The following LRRTM4 variants were observed in gnomAD, a reference collection of about 807,000 sequenced individuals.
LRRTM4 encodes leucine-rich repeat transmembrane neuronal protein 4.
LRRTM4 carries 25 observed loss-of-function variants against 47.6 expected under a neutral mutation model. The observed-to-expected ratio is 0.53, with a 90% CI of 0.38 to 0.73. The LOEUF is 0.73. LRRTM4 is among the 30% of genes least tolerant of loss of function. LRRTM4 has a pLI of 0.00. For synonymous variants in LRRTM4, 311 were observed against 269.5 expected (o/e 1.15, Z -1.51); for missense variants, 638 against 713.4 (o/e 0.89, Z 1.20).
chr2:77,069,592 A>G (rs1175506576), intron 3 of LRRTM4, among the ~76,000 whole-genome samples: 1 of 152,154 alleles, frequency 6.6e-6, no homozygotes, highest in Admixed American at 6.6e-5. Flanking sequence ...CTGGTGTCCT[A>G]TTACTTCGTG....
At chr2:77,453,819 T>C (rs1676360165) in intron 3 of LRRTM4, among the ~76,000 whole-genome samples, 2 of 152,348 alleles carry the variant, frequency 1.3e-5, no homozygotes, top group Middle Eastern at 3.4e-3. Flanking sequence ...TTTGATAGCC[T>C]TTAATTTATA....
At chr2:77,029,171 T>C (rs1451665448) in intron 3 of LRRTM4, among the ~76,000 whole-genome samples, 1 of 151,390 alleles carries the variant, frequency 6.6e-6, no homozygotes, top group Non-Finnish European at 1.5e-5. Context: ...AACGTTAGTA[T>C]TTAGAGGTTG....
chr2:77,311,948 T>C (rs1424994593), intron 3 of LRRTM4, among the ~76,000 whole-genome samples: 1 of 152,150 alleles, frequency 6.6e-6, no homozygotes, highest in Non-Finnish European at 1.5e-5. Context: ...TGGACGCTGG[T>C]TTTGTTTCCT....
At chr2:77,038,017 T>A (rs1302339438) in intron 3 of LRRTM4, among the ~76,000 whole-genome samples, 1 of 151,658 alleles carries the variant, frequency 6.6e-6, no homozygotes, top group Non-Finnish European at 1.5e-5. Context: ...GTTCCTTGAA[T>A]AACCTATATA....
At chr2:77,103,447 G>C (rs1377410005) in intron 3 of LRRTM4, among the ~76,000 whole-genome samples, 1 of 151,904 alleles carries the variant, frequency 6.6e-6, no homozygotes, top group Non-Finnish European at 1.5e-5. Context: ...GTGAAAAACA[G>C]CCATCCATCT....
intron 3 of LRRTM4, among the ~76,000 whole-genome samples, chr2:77,062,594 T>C (rs537523335): frequency 6.6e-6 from 1 of 152,336 alleles, no homozygotes; most frequent in South Asian, 2.1e-4. Flanking sequence ...GCATAGTGAT[T>C]ATACTGATAC....
intron 3 of LRRTM4, among the ~76,000 whole-genome samples, chr2:77,441,769 T>C (rs1675851673): frequency 6.6e-6 from 1 of 152,316 alleles, no homozygotes; most frequent in African/African-American, 2.4e-5. Context: ...TAAGACATAG[T>C]TTTCCTTGCT....
chr2:77,501,805 G>C (rs1678579123), intron 3 of LRRTM4, among the ~76,000 whole-genome samples: 1 of 151,068 alleles, frequency 6.6e-6, no homozygotes, highest in African/African-American at 2.4e-5. Context: ...CAAAGAAAAT[G>C]AACATAAAAT....
intron 3 of LRRTM4, among the ~76,000 whole-genome samples, chr2:77,118,229 G>C (rs1032765215): frequency 6.6e-6 from 1 of 151,064 alleles, no homozygotes; most frequent in Non-Finnish European, 1.5e-5. Flanking sequence ...CGTTGTTTGG[G>C]AAAAAAAGCC....
chr2:77,049,133 T>TATACATATATATATATATAC (rs1239697867), intron 3 of LRRTM4, among the ~76,000 whole-genome samples: 1 of 123,812 alleles, frequency 8.1e-6, no homozygotes, highest in African/African-American at 3.9e-5. Context: ...TATATATATA[T>TATACATATATATATATATAC]ATATATATAT....
chr2:77,066,370 A>C (rs1029496079), intron 3 of LRRTM4, among the ~76,000 whole-genome samples: 21 of 152,228 alleles, frequency 1.4e-4, no homozygotes, highest in African/African-American at 5.1e-4. Flanking sequence ...AAACATTGTA[A>C]AAACAAAAAG....
At chr2:77,261,996 A>G (rs2861019) in intron 3 of LRRTM4, among the ~76,000 whole-genome samples, 38,070 of 151,756 alleles carry the variant, frequency 0.25, 8,952 homozygotes, top group African/African-American at 0.63. Flanking sequence ...CCTGAGCTCC[A>G]CCTCCTGTCA....
intron 3 of LRRTM4, among the ~76,000 whole-genome samples, chr2:77,231,222 T>C (rs1369596959): frequency 1.3e-5 from 2 of 150,926 alleles, no homozygotes; most frequent in Admixed American, 6.6e-5. Context: ...CACACACACA[T>C]GCACACACAC....
chr2:76,804,841 C>T (rs1300739247), intron 3 of LRRTM4, among the ~76,000 whole-genome samples: 1 of 150,568 alleles, frequency 6.6e-6, no homozygotes, highest in African/African-American at 2.4e-5. Flanking sequence ...TCAAACTGCT[C>T]AAAGTTTGAT....
intron 3 of LRRTM4, among the ~76,000 whole-genome samples, chr2:76,793,550 A>ATGAGAAGC (rs1016032337): frequency 2.0e-5 from 3 of 152,070 alleles, no homozygotes; most frequent in Non-Finnish European, 4.4e-5. Context: ...GTATTTTTAT[A>ATGAGAAGC]TGAGAAGCCC....
chr2:77,492,029 A>C (rs1038280245), intron 3 of LRRTM4, among the ~76,000 whole-genome samples: 1 of 152,102 alleles, frequency 6.6e-6, no homozygotes, highest in Non-Finnish European at 1.5e-5. Context: ...CTGAATTACA[A>C]GAATGATTTC....
intron 3 of LRRTM4, among the ~76,000 whole-genome samples, chr2:77,162,798 T>A (rs1339752467): frequency 6.6e-6 from 1 of 151,968 alleles, no homozygotes; most frequent in African/African-American, 2.4e-5. Context: ...AGAAAGGACA[T>A]CCACACCAAA....
At chr2:77,299,402 T>C (rs1009653819) in intron 3 of LRRTM4, among the ~76,000 whole-genome samples, 1 of 151,760 alleles carries the variant, frequency 6.6e-6, no homozygotes, top group Non-Finnish European at 1.5e-5. Flanking sequence ...TATATACGTA[T>C]ATATACAAAC....
At chr2:77,008,089 A>C (rs1349310583) in intron 3 of LRRTM4, among the ~76,000 whole-genome samples, 2 of 152,216 alleles carry the variant, frequency 1.3e-5, no homozygotes, top group African/African-American at 2.4e-5. Flanking sequence ...TTGTTTAACC[A>C]ATCGCTTATG....
Sources: gnomAD v4.1 joint callset for allele counts (sites outside exome capture counted in the v4.1 genomes callset) on GRCh38, gnomAD v4.1.1 for gene constraint, MANE v1.5 for transcripts, NCBI Gene and HGNC (gene_info 2026-07-23, HGNC 2026-07-21) for gene names.